Variants in PALB2 observed in about 807,000 individuals in gnomAD.
PALB2 encodes partner and localizer of BRCA2.
In PALB2, 82 loss-of-function variants were observed where a neutral mutation model predicts 107.4. The ratio of observed to expected loss-of-function variants is 0.76; its 90% CI spans 0.64 to 0.92. PALB2 has a LOEUF of 0.92. PALB2 is among the 40% of genes least tolerant of loss of function. PALB2 has a pLI of 0.00. For synonymous variants in PALB2, 489 were observed against 496.8 expected (o/e 0.98, Z 0.21); for missense variants, 1,374 against 1,379.9 (o/e 1.00, Z 0.07).
chr16:23,637,676 G>A (rs1169245718), intron 3 of PALB2, among the ~76,000 whole-genome samples, 174 bp downstream of exon 3: 1 of 152,154 alleles, frequency 6.6e-6, no homozygotes, highest in East Asian at 1.9e-4. Context: ...CTGCACTCCA[G>A]CCTGGGTAAC....
At position 23,630,033 on chromosome 16, in the gene PALB2, AG is replaced by A. The variant is rs587780210; in HGVS notation, c.2120del (p.Pro707LeufsTer2). The A allele has an allele frequency of 3.1e-6, 5 of 1,614,076 alleles. No individual in the cohort carries two copies. The African/African-American group carries it at 6.7e-5, about 22-fold the overall frequency. Reference sequence around the variant, plus strand: ...TATCATCAGGCGCAACCGTATTTAAAGGAGTATAAAGTAATATGGATGAAGA... The same window carrying A: ...TATCATCAGGCGCAACCGTATTTAAAGAGTATAAAGTAATATGGATGAAGA... ...GLSSSILLYT[P>X]LNTVAPDDND... On this transcript the variant is annotated frameshift_variant, in exon 5 of 13. Transcript: ENST00000261584. LOFTEE classifies it high-confidence loss of function.
At chr16:23,621,887 C>T (rs972872372) in intron 9 of PALB2, among the ~76,000 whole-genome samples, 1 of 152,032 alleles carries the variant, frequency 6.6e-6, no homozygotes, top group Admixed American at 6.6e-5. Context: ...AGTGACCAAC[C>T]CTACCATGTT....
At chr16:23,614,896 C>T (rs1470157405) in intron 10 of PALB2, among the ~76,000 whole-genome samples, 6 of 149,938 alleles carry the variant, frequency 4.0e-5, no homozygotes, top group Non-Finnish European at 5.9e-5. Context: ...GTGATCCGCC[C>T]GCCTCGGCCT....
chr16:23,626,911 G>A lies in PALB2; in HGVS notation c.2587-514C>T, dbSNP rs151078482. Among the ~76,000 whole-genome samples the A allele has an allele frequency of 3.5e-4, 53 of 151,922 alleles. 1 individual carries two copies. In the East Asian group the frequency reaches 7.8e-3, roughly 22 times the overall value. On this transcript the variant is annotated intron_variant, in intron 6 of 12. Transcript: ENST00000261584. ...GCTGGGGTTACAGGCATGAGCCACC[G>A]TGCCCGGCCCATGAAAGATTTTAAA...
chr16:23,626,089 G>T lies in PALB2; in HGVS notation c.2748+147C>A, dbSNP rs1266277176. The T allele has an allele frequency of 5.3e-6, 5 of 944,632 alleles. No homozygotes were observed. The African/African-American group carries it at 6.5e-5, about 12-fold the overall frequency. The allele number at this position is 944,632 out of a possible 1,614,324, so 58.5% of individuals were successfully genotyped here. A position where few individuals can be genotyped will look rare whatever the true frequency, so the allele number is the denominator to read the frequency against. ...CACTATACAACTTTTCTGGATGTTT[G>T]AAACTTTTCATAATAAAATGTTGGG... On this transcript the variant is annotated intron_variant, in intron 7 of 12. Coordinates refer to ENST00000261584, the MANE Select transcript of PALB2 (RefSeq NM_024675.4).
At chr16:23,633,111 C>T (rs1386174741) in intron 4 of PALB2, among the ~76,000 whole-genome samples, 1 of 152,084 alleles carries the variant, frequency 6.6e-6, no homozygotes, top group Non-Finnish European at 1.5e-5. Context: ...TAAAAAAAAA[C>T]TACTGTGTAA....
chr16:23,610,309 C>CTTTTT (rs200742073), intron 11 of PALB2, among the ~76,000 whole-genome samples: 1 of 133,736 alleles, frequency 7.5e-6, no homozygotes, highest in Non-Finnish European at 1.6e-5. Flanking sequence ...AATGTTATTT[C>CTTTTT]TTTTTTTTTT....
rs587781429 is a variant in PALB2, at chr16:23,635,218, T to C, written c.1328A>G (p.Lys443Arg). 1 of 1,614,196 alleles carries C rather than the reference T, an allele frequency of 6.2e-7. No homozygotes were observed. Among genetic ancestry groups the C allele is most frequent in the Middle Eastern group, 1.7e-4 (1 of 6,060 alleles). ...TAAATTTTTACTTGCATCCTTATTT[T>C]TATTTTTAAACCCTTTTTTCTTGAC... The part of the protein sequence containing the change: ...LDVKKKGFKN[K>R]NKDASKNLNL... Residue 443 changes from lysine to arginine, a missense_variant, in exon 4 of 13, where the codon AAA becomes AGA. Transcript: ENST00000261584.
chr16:23,615,818 C>T (rs1426083164), intron 10 of PALB2, among the ~76,000 whole-genome samples: 1 of 152,062 alleles, frequency 6.6e-6, no homozygotes, highest in Non-Finnish European at 1.5e-5. Context: ...GCAGGCGCCA[C>T]CACACCCAGC....
chr16:23,639,139 G>A (rs902713569), intron 1 of PALB2, among the ~76,000 whole-genome samples: 2 of 152,014 alleles, frequency 1.3e-5, no homozygotes, highest in African/African-American at 4.8e-5. Context: ...AGCCAGCCTC[G>A]GTTTTTCTGC....
chr16:23,619,293 T>G (rs1966733816), intron 10 of PALB2, among the ~76,000 whole-genome samples: 1 of 152,174 alleles, frequency 6.6e-6, no homozygotes. Flanking sequence ...GGCTGGGGAC[T>G]CCTGTGATGG....
chr16:23,626,942 T>C (rs889230240), intron 6 of PALB2, among the ~76,000 whole-genome samples: 1 of 151,898 alleles, frequency 6.6e-6, no homozygotes, highest in African/African-American at 2.4e-5. Flanking sequence ...TTAAAATGTA[T>C]AGTCCAGATG....
intron 9 of PALB2, among the ~76,000 whole-genome samples, chr16:23,622,219 C>T (rs756604387): frequency 5.9e-5 from 9 of 152,088 alleles, no homozygotes; most frequent in Non-Finnish European, 8.8e-5. Context: ...GTCCCCAATA[C>T]GTCTAATAAA....
chr16:23,634,183 C>T (rs1966925124), intron 4 of PALB2, among the ~76,000 whole-genome samples: 1 of 152,182 alleles, frequency 6.6e-6, no homozygotes, highest in South Asian at 2.1e-4. Context: ...AACTCTGGCA[C>T]CATACCGCCA....
intron 12 of PALB2, among the ~76,000 whole-genome samples, chr16:23,605,252 G>GAC (rs1464267819): frequency 1.3e-5 from 2 of 152,026 alleles, no homozygotes; most frequent in African/African-American, 4.8e-5. Context: ...GGTTTTCTTT[G>GAC]ACAGTCTCTC....
chr16:23,641,212 A>G lies in PALB2; in HGVS notation c.-55T>C, dbSNP rs2140960975. ...CGTCGCCGACCCCAGGCCTGCCGAC[A>G]CCGGGACCCAGTTGGCCCTGGGCCG... is the stretch of plus-strand genomic sequence containing the variant. On this transcript the variant is annotated 5_prime_UTR_variant, in exon 1 of 13. Transcript: ENST00000261584. The G allele has an allele frequency of 6.3e-7, 1 of 1,593,406 alleles. No homozygotes were observed. The highest frequency in any genetic ancestry group is 8.5e-7 in the Non-Finnish European group (1 of 1,170,090).
At chr16:23,619,418 G>C (rs1444792863) in intron 10 of PALB2, among the ~76,000 whole-genome samples, 1 of 151,102 alleles carries the variant, frequency 6.6e-6, no homozygotes, top group Admixed American at 6.6e-5. Flanking sequence ...CGCGATCTCG[G>C]CTCACTGCAA....
At chr16:23,604,048 C>CT (rs1966416457) in intron 12 of PALB2, among the ~76,000 whole-genome samples, 2 of 152,194 alleles carry the variant, frequency 1.3e-5, no homozygotes, top group Non-Finnish European at 2.9e-5. Context: ...ATCATTCAGG[C>CT]CTGTTATGTC....
intron 11 of PALB2, among the ~76,000 whole-genome samples, chr16:23,610,368 G>A (rs1468260927): frequency 4.0e-5 from 6 of 150,632 alleles, no homozygotes; most frequent in Non-Finnish European, 8.8e-5. Flanking sequence ...GAGTGCAGTG[G>A]CAGGATGTCG....
Sources: gnomAD v4.1 joint callset for allele counts (sites outside exome capture counted in the v4.1 genomes callset) on GRCh38, gnomAD v4.1.1 for gene constraint, MANE v1.5 for transcripts, NCBI Gene and HGNC (gene_info 2026-07-23, HGNC 2026-07-21) for gene names.